ZNF521: variants seen among roughly 807,000 people sequenced by gnomAD.
ZNF521 encodes LYST-interacting protein 3.
ZNF521 carries 14 observed loss-of-function variants against 105.5 expected under a neutral mutation model. That is an observed-to-expected ratio of 0.13 (90% CI 0.09 to 0.21). ZNF521 has a LOEUF of 0.21. ZNF521 is among the 10% of genes least tolerant of loss of function. The pLI, the probability that ZNF521 is intolerant of heterozygous loss-of-function variation, is 1.00. For missense variants in ZNF521, 1,233 were observed against 1,629.7 expected (o/e 0.76, Z 4.19); for synonymous variants, 635 against 606.0 (o/e 1.05, Z -0.70).
intron 5 of ZNF521, among the ~76,000 whole-genome samples, chr18:25,185,962 C>G (rs1325326571): frequency 6.6e-6 from 1 of 152,124 alleles, no homozygotes; most frequent in African/African-American, 2.4e-5. Context: ...TAAACAGGCT[C>G]TCCGTTTTCT....
intron 4 of ZNF521, among the ~76,000 whole-genome samples, chr18:25,199,858 TTTTG>T (rs1471416668): frequency 2.6e-5 from 4 of 152,078 alleles, no homozygotes; most frequent in East Asian, 3.9e-4. Flanking sequence ...TTTGTGAAGT[TTTTG>T]TTTTTGTTTT....
At chr18:25,219,953 A>C (rs1460422990) in intron 4 of ZNF521, among the ~76,000 whole-genome samples, 3 of 152,254 alleles carry the variant, frequency 2.0e-5, no homozygotes, top group Admixed American at 6.5e-5. Flanking sequence ...ATCAAGATAA[A>C]GAGTGTTCCC....
intron 3 of ZNF521, among the ~76,000 whole-genome samples, chr18:25,284,869 A>T (rs1360141053): frequency 6.6e-6 from 1 of 151,772 alleles, no homozygotes; most frequent in Non-Finnish European, 1.5e-5. Context: ...AGAGGTTTCT[A>T]GTGAGAGAGA....
intron 3 of ZNF521, among the ~76,000 whole-genome samples, chr18:25,299,489 T>TA (rs1453561609): frequency 6.6e-6 from 1 of 152,158 alleles, no homozygotes; most frequent in Non-Finnish European, 1.5e-5. Flanking sequence ...AGGAGACAAA[T>TA]ACCTGAAATA....
chr18:25,170,048 A>C (rs1209041734), intron 5 of ZNF521, among the ~76,000 whole-genome samples: 5 of 152,092 alleles, frequency 3.3e-5, no homozygotes. Context: ...CATAAACAAG[A>C]GTTTACAGTC....
chr18:25,208,383 A>G (rs1052273882), intron 4 of ZNF521, among the ~76,000 whole-genome samples: 4 of 152,222 alleles, frequency 2.6e-5, no homozygotes, highest in South Asian at 2.1e-4. Context: ...TAAATTTTGT[A>G]TAACAAAATA....
At chr18:25,157,158 A>C (rs1290656842) in intron 5 of ZNF521, among the ~76,000 whole-genome samples, 5 of 152,152 alleles carry the variant, frequency 3.3e-5, no homozygotes, top group Non-Finnish European at 7.3e-5. Flanking sequence ...AGATTGCACC[A>C]CTGCCTCCAG....
chr18:25,165,957 T>C (rs2035333167), intron 5 of ZNF521, among the ~76,000 whole-genome samples: 1 of 152,210 alleles, frequency 6.6e-6, no homozygotes, highest in Non-Finnish European at 1.5e-5. Context: ...AGAACCACTC[T>C]GTGTGTTTAA....
chr18:25,185,675 C>T (rs1360138660), intron 5 of ZNF521, among the ~76,000 whole-genome samples: 1 of 152,040 alleles, frequency 6.6e-6, no homozygotes. Flanking sequence ...TGCATCCCAC[C>T]CTAACAGGCA....
chr18:25,213,040 A>T (rs1370299964), intron 4 of ZNF521, among the ~76,000 whole-genome samples: 1 of 151,328 alleles, frequency 6.6e-6, no homozygotes, highest in African/African-American at 2.4e-5. Flanking sequence ...CTAATACTCA[A>T]ATTCATTTTG....
At chr18:25,307,703 C>T (rs1297486746) in intron 3 of ZNF521, among the ~76,000 whole-genome samples, 1 of 152,246 alleles carries the variant, frequency 6.6e-6, no homozygotes, top group East Asian at 1.9e-4. Context: ...TAATGTTATG[C>T]CACTTCCAGG....
At chr18:25,100,236 A>C in intron 5 of ZNF521, among the ~76,000 whole-genome samples, 1 of 152,320 alleles carries the variant, frequency 6.6e-6, no homozygotes, top group East Asian at 1.9e-4. Context: ...CAACAAAAGC[A>C]AATCAAACAA....
Position 25,226,731 on chromosome 18 carries a change from G to A in ZNF521, c.1187C>T (p.Pro396Leu). 1 of 1,614,078 alleles carries A rather than the reference G, an allele frequency of 6.2e-7. No individual in the cohort carries two copies. Residue 396 changes from proline to leucine, a missense_variant, in exon 4 of 8, where the codon CCC (proline) becomes CTC (leucine). By Grantham distance (98) the Pro-to-Leu change is moderately conservative. This residue lies in a region of ZNF521 where 380 missense variants were observed against 478.0 expected (regional missense o/e 0.80). Transcript: ENST00000361524. The surrounding 1 kb of genome is among the most constrained non-coding windows in gnomAD (Gnocchi z 4.1). ...AAQQTPDMTG[P>L]SSKQAKVTYS... The stretch of plus-strand genomic sequence containing the variant: ...GGTAACTTTTGCTTGTTTACTCGAG[G>A]GACCAGTCATGTCAGGGGTTTGTTG...
chr18:25,098,810 T>C (rs1414027928), intron 5 of ZNF521, among the ~76,000 whole-genome samples: 2 of 152,186 alleles, frequency 1.3e-5, no homozygotes, highest in South Asian at 2.1e-4. Flanking sequence ...ATTTTTTCTT[T>C]CAAAAAATTT....
At chr18:25,328,055 A>G (rs549919688) in intron 2 of ZNF521, among the ~76,000 whole-genome samples, 1 of 152,284 alleles carries the variant, frequency 6.6e-6, no homozygotes, top group African/African-American at 2.4e-5. Context: ...CTCTTTCTGC[A>G]ATGTTTATTT....
chr18:25,350,260 A>G (rs8083878), intron 2 of ZNF521, among the ~76,000 whole-genome samples: 139,665 of 152,014 alleles, frequency 0.92, 64,293 homozygotes, highest in African/African-American at 0.97. Flanking sequence ...AGTAGGGGCG[A>G]GGGGCGGTCA....
chr18:25,312,221 T>C (rs1395983059), intron 3 of ZNF521, among the ~76,000 whole-genome samples: 1 of 152,192 alleles, frequency 6.6e-6, no homozygotes, highest in Non-Finnish European at 1.5e-5. Flanking sequence ...TCACTTATAC[T>C]GGGAAAACAT....
intron 2 of ZNF521, among the ~76,000 whole-genome samples, chr18:25,328,543 A>AT (rs916853597): frequency 8.7e-5 from 13 of 148,938 alleles, no homozygotes; most frequent in Non-Finnish European, 1.3e-4. Context: ...CCTTTATCTT[A>AT]TTTTTTTATT....
chr18:25,174,767 A>AC (rs1284369896), intron 5 of ZNF521, among the ~76,000 whole-genome samples: 2 of 151,922 alleles, frequency 1.3e-5, no homozygotes, highest in Non-Finnish European at 2.9e-5. Flanking sequence ...CACTGCTCTG[A>AC]CCCCCATGCA....
Sources: allele counts gnomAD v4.1 joint callset (sites outside exome capture counted in the v4.1 genomes callset), GRCh38; gene constraint gnomAD v4.1.1; regional missense constraint gnomAD v4.1.1; non-coding constraint Gnocchi (gnomAD v3.1); transcripts MANE v1.5; gene names NCBI Gene and HGNC (gene_info 2026-07-23, HGNC 2026-07-21).